Variants in GRIP1 observed in about 807,000 individuals in gnomAD.
GRIP1 encodes the protein glutamate receptor interacting protein 1, also known as glutamate receptor-interacting protein 1.
A neutral mutation model predicts 129.9 loss-of-function variants in GRIP1; 45 were observed. The ratio of observed to expected loss-of-function variants is 0.35; its 90% CI spans 0.27 to 0.44. GRIP1 has a LOEUF of 0.44. Among genes scored for constraint, GRIP1 ranks in the 20% least tolerant of loss-of-function variants. The probability of loss-of-function intolerance (pLI) is 1.00; values close to 1 mark genes in which losing one functional copy is unlikely to be tolerated. For synonymous variants in GRIP1, 530 were observed against 520.8 expected (o/e 1.02, Z -0.24); for missense variants, 1,196 against 1,396.8 (o/e 0.86, Z 2.29).
intron 23 of GRIP1, among the ~76,000 whole-genome samples, chr12:66,363,035 T>A (rs1240216711): frequency 6.6e-6 from 1 of 151,090 alleles, no homozygotes; most frequent in African/African-American, 2.5e-5. Flanking sequence ...CAGCTTTGAT[T>A]CCAACTTAGA....
chr12:67,022,635 G>T (rs2042884443), intron 1 of GRIP1, among the ~76,000 whole-genome samples: 1 of 152,172 alleles, frequency 6.6e-6, no homozygotes, highest in Non-Finnish European at 1.5e-5. Context: ...AATTTGAATA[G>T]ATTTGTATAG....
intron 2 of GRIP1, 128 bp from the exon 3 acceptor site, chr12:66,542,078 A>G (rs975029377): frequency 1.1e-4 from 89 of 840,068 alleles, no homozygotes; most frequent in Non-Finnish European, 1.5e-4. Context: ...TTCCATTGTA[A>G]TTTGAAGAAT....
At chr12:67,011,543 C>A (rs1504305) in intron 1 of GRIP1, among the ~76,000 whole-genome samples, 3 of 152,036 alleles carry the variant, frequency 2.0e-5, no homozygotes, top group Admixed American at 6.6e-5. Context: ...ATGCCATGTT[C>A]TTTTCCTTCT....
intron 1 of GRIP1, among the ~76,000 whole-genome samples, chr12:66,851,391 T>C (rs1407413391): frequency 6.6e-6 from 1 of 152,086 alleles, no homozygotes; most frequent in Non-Finnish European, 1.5e-5. Flanking sequence ...AGAACAGCTG[T>C]CTATCCAAGA....
At position 66,458,541 on chromosome 12, in the gene GRIP1, C is replaced by T. The variant is rs538396689; in HGVS notation, c.1043-2199G>A. 5.9e-5 allele frequency among the ~76,000 whole-genome samples: 9 copies of T among 152,256 alleles called. No individual in the cohort carries two copies. The East Asian group carries it at 1.4e-3, about 23-fold the overall frequency. On this transcript the variant is annotated intron_variant, in intron 9 of 24. Coordinates refer to ENST00000359742, the MANE Select transcript of GRIP1 (RefSeq NM_001366722.1). The stretch of plus-strand genomic sequence containing the variant: ...CTGGGATTATAGGTGCCCACCACCA[C>T]GCCCAGCTAATTTTTGTATTTTTGG...
chr12:66,731,158 C>T (rs536023587), intron 1 of GRIP1, among the ~76,000 whole-genome samples: 1 of 151,970 alleles, frequency 6.6e-6, no homozygotes, highest in Non-Finnish European at 1.5e-5. Context: ...AGGAGGATTA[C>T]TGGATTGCTA....
At chr12:66,833,941 G>A (rs901158104) in intron 1 of GRIP1, among the ~76,000 whole-genome samples, 6 of 152,144 alleles carry the variant, frequency 3.9e-5, no homozygotes, top group African/African-American at 4.8e-5. Flanking sequence ...AGGCCAAGGC[G>A]GATGGCTTAC....
chr12:66,564,843 C>A (rs2062688098), intron 2 of GRIP1, among the ~76,000 whole-genome samples: 2 of 152,284 alleles, frequency 1.3e-5, no homozygotes, highest in South Asian at 2.1e-4. Context: ...ATGGTATCTC[C>A]TTGTGGTTTT....
intron 1 of GRIP1, among the ~76,000 whole-genome samples, chr12:66,686,472 T>C (rs1316713770): frequency 2.0e-5 from 3 of 152,236 alleles, no homozygotes; most frequent in Non-Finnish European, 1.5e-5. Flanking sequence ...AATTCATGCG[T>C]CTGTTTTTGG....
chr12:66,656,543 T>C (rs969915245), intron 1 of GRIP1, among the ~76,000 whole-genome samples: 3 of 152,218 alleles, frequency 2.0e-5, no homozygotes, highest in Admixed American at 6.5e-5. Flanking sequence ...GATTATTGCT[T>C]GCACTGTTGT....
chr12:66,940,290 T>C (rs2041563541), intron 1 of GRIP1, among the ~76,000 whole-genome samples: 1 of 152,108 alleles, frequency 6.6e-6, no homozygotes, highest in Non-Finnish European at 1.5e-5. Context: ...TCTTAGAACT[T>C]CAATCTCATC....
chr12:66,945,004 G>C (rs1160895558), intron 1 of GRIP1, among the ~76,000 whole-genome samples: 1 of 152,072 alleles, frequency 6.6e-6, no homozygotes, highest in Non-Finnish European at 1.5e-5. Context: ...TGTTGGCCAG[G>C]GTGGTCTAGA....
rs1035679489 is a variant in GRIP1, at chr12:66,998,180, A to G, written c.58+70870T>C. ...TTTTGGTTCCTCAGTGACACTAGTC[A>G]TATTTCAAGGGTTCAAAAGCCGCAT... On this transcript the variant is annotated intron_variant, in intron 1 of 1. Coordinates refer to the GRIP1 transcript ENST00000643019. Among the ~76,000 whole-genome samples the G allele has an allele frequency of 5.8e-4, 88 of 152,200 alleles. 1 individual carries two copies. The highest frequency in any genetic ancestry group is 4.3e-4 in the Non-Finnish European group (29 of 68,036).
chr12:66,402,907 A>T (rs1259303523), intron 16 of GRIP1, among the ~76,000 whole-genome samples: 1 of 152,230 alleles, frequency 6.6e-6, no homozygotes, highest in Non-Finnish European at 1.5e-5. Context: ...ATGCAGAGAA[A>T]GGGATTTCAG....
At chr12:66,544,625 T>C (rs1017325952) in intron 2 of GRIP1, among the ~76,000 whole-genome samples, 1 of 152,032 alleles carries the variant, frequency 6.6e-6, no homozygotes, top group Non-Finnish European at 1.5e-5. Flanking sequence ...AACTCAGGAG[T>C]AAAGATAGAA....
intron 1 of GRIP1, among the ~76,000 whole-genome samples, chr12:66,885,388 G>C (rs2040548615): frequency 6.6e-6 from 1 of 152,162 alleles, no homozygotes; most frequent in Non-Finnish European, 1.5e-5. Flanking sequence ...GGGGCTGAGG[G>C]CTGCCGGCCA....
intron 23 of GRIP1, among the ~76,000 whole-genome samples, chr12:66,370,151 T>G (rs1405308087): frequency 2.0e-5 from 3 of 152,202 alleles, no homozygotes; most frequent in African/African-American, 7.2e-5. Flanking sequence ...TTCCTCTGCA[T>G]AGTCAACATC....
chr12:66,847,515 T>C (rs2039839218), intron 1 of GRIP1, among the ~76,000 whole-genome samples: 1 of 152,230 alleles, frequency 6.6e-6, no homozygotes, highest in Non-Finnish European at 1.5e-5. Flanking sequence ...AATTGAATAA[T>C]GTTATTTAAC....
At chr12:66,819,365 T>C (rs1312352318) in intron 1 of GRIP1, among the ~76,000 whole-genome samples, 1 of 152,200 alleles carries the variant, frequency 6.6e-6, no homozygotes, top group African/African-American at 2.4e-5. Flanking sequence ...TGTTTTAAAA[T>C]GTTAAGTAAT....
Sources: gnomAD v4.1 joint callset for allele counts (sites outside exome capture counted in the v4.1 genomes callset) on GRCh38, gnomAD v4.1.1 for gene constraint, MANE v1.5 for transcripts, NCBI Gene and HGNC (gene_info 2026-07-23, HGNC 2026-07-21) for gene names.